Variants in BNC2 observed in about 807,000 individuals in gnomAD.
BNC2 encodes basonuclin zinc finger protein 2.
In BNC2, 20 loss-of-function variants were observed where a neutral mutation model predicts 76.3. The ratio of observed to expected loss-of-function variants is 0.26; its 90% confidence interval spans 0.18 to 0.38. The LOEUF (loss-of-function observed/expected upper bound fraction) is 0.38, where lower values mean the gene tolerates loss of function less well. Among genes scored for constraint, BNC2 ranks in the 10% least tolerant of loss-of-function variants. The pLI is 1.00. For missense variants in BNC2, 1,382 were observed against 1,399.8 expected (o/e 0.99, Z 0.20); for synonymous variants, 582 against 514.8 (o/e 1.13, Z -1.77).
chr9:16,819,149 A>G (rs190615971), intron 1 of BNC2, among the ~76,000 whole-genome samples: 1 of 152,226 alleles, frequency 6.6e-6, no homozygotes, highest in Non-Finnish European at 1.5e-5. Context: ...CAAACAAACA[A>G]AACCTATAAG....
At chr9:16,549,293 C>T (rs1054811181) in intron 5 of BNC2, among the ~76,000 whole-genome samples, 1 of 152,112 alleles carries the variant, frequency 6.6e-6, no homozygotes, top group African/African-American at 2.4e-5. Flanking sequence ...CTTCATTTGC[C>T]CAGGAACACA....
At chr9:16,458,511 T>G (rs565558064) in intron 5 of BNC2, among the ~76,000 whole-genome samples, 1 of 152,358 alleles carries the variant, frequency 6.6e-6, no homozygotes, top group Non-Finnish European at 1.5e-5. Flanking sequence ...CCTACAAATA[T>G]GATATACCCT....
chr9:16,699,127 GT>G, intron 3 of BNC2: 1 of 452,746 alleles, frequency 2.2e-6, no homozygotes. Flanking sequence ...TTTTGTTTTT[GT>G]TTTTGTTTTG....
intron 3 of BNC2, among the ~76,000 whole-genome samples, chr9:16,621,113 G>A (rs1180948076): frequency 6.6e-6 from 1 of 152,194 alleles, no homozygotes; most frequent in Non-Finnish European, 1.5e-5. Flanking sequence ...CAACGCCTGT[G>A]ACTGATCATT....
intron 4 of BNC2, among the ~76,000 whole-genome samples, chr9:16,560,033 G>A (rs1318306292): frequency 6.6e-6 from 1 of 152,234 alleles, no homozygotes; most frequent in Non-Finnish European, 1.5e-5. Context: ...ACTACTGTAG[G>A]TAGACGGAAC....
At chr9:16,851,795 CA>C (rs1434102425) in intron 1 of BNC2, among the ~76,000 whole-genome samples, 4 of 152,174 alleles carry the variant, frequency 2.6e-5, no homozygotes, top group Middle Eastern at 3.4e-3. Context: ...CAGATCACGC[CA>C]AAACAGACCA....
chr9:16,678,990 A>C (rs1243617968), intron 3 of BNC2, among the ~76,000 whole-genome samples: 1 of 152,218 alleles, frequency 6.6e-6, no homozygotes, highest in East Asian at 1.9e-4. Context: ...AGAAAACAAC[A>C]TGGATGGGCC....
chr9:16,682,673 A>C (rs1283001344), intron 3 of BNC2, among the ~76,000 whole-genome samples: 7 of 152,346 alleles, frequency 4.6e-5, no homozygotes, highest in Admixed American at 4.6e-4. Context: ...CCTGTGGTTT[A>C]TAAAACATCA....
intron 1 of BNC2, among the ~76,000 whole-genome samples, chr9:16,842,169 A>G (rs554732397): frequency 7.4e-4 from 112 of 152,162 alleles, no homozygotes; most frequent in Non-Finnish European, 1.1e-3. Flanking sequence ...GCCTTATGTT[A>G]TTTTAACATA....
At chr9:16,754,688 G>T (rs950030199) in intron 1 of BNC2, among the ~76,000 whole-genome samples, 1 of 152,092 alleles carries the variant, frequency 6.6e-6, no homozygotes, top group Non-Finnish European at 1.5e-5. Flanking sequence ...CTCCTGAGTA[G>T]CTGGGATTAT....
chr9:16,811,333 G>A (rs1335692229), intron 1 of BNC2, among the ~76,000 whole-genome samples: 2 of 151,008 alleles, frequency 1.3e-5, no homozygotes, highest in Admixed American at 1.3e-4. Context: ...GGTGGATCAT[G>A]TGAGGTCAGG....
At chr9:16,611,439 G>C (rs1266591300) in intron 3 of BNC2, among the ~76,000 whole-genome samples, 1 of 152,036 alleles carries the variant, frequency 6.6e-6, no homozygotes, top group Non-Finnish European at 1.5e-5. Flanking sequence ...ATCCAACCCT[G>C]GACATCAATC....
chr9:16,546,655 G>A (rs1021076532), intron 5 of BNC2, among the ~76,000 whole-genome samples: 11 of 152,136 alleles, frequency 7.2e-5, no homozygotes, highest in African/African-American at 2.4e-4. Flanking sequence ...AAAGGAACAC[G>A]AAAGAGGAAT....
In BNC2 at chr9:16,805,548, G is replaced by A. The variant is rs1039678824; in HGVS notation, c.3+65098C>T. On this transcript the variant is annotated intron_variant, in intron 1 of 6. Transcript: ENST00000380672. Reference sequence around the variant, plus strand: ...TCATCATATTGGTCAGGCTGGTCTCGAACTCCTGACCTCAGGTGATCCGCC... The same window carrying A: ...TCATCATATTGGTCAGGCTGGTCTCAAACTCCTGACCTCAGGTGATCCGCC... Among the ~76,000 whole-genome samples the A allele has an allele frequency of 8.6e-5, 13 of 152,040 alleles. No individual in the cohort carries two copies. In the East Asian group the frequency reaches 1.6e-3, roughly 18 times the overall value.
intron 1 of BNC2, among the ~76,000 whole-genome samples, chr9:16,843,798 A>G (rs1168040283): frequency 1.3e-5 from 2 of 152,218 alleles, no homozygotes; most frequent in East Asian, 3.8e-4. Context: ...AGTTACTCCC[A>G]ATTGAATAGT....
intron 1 of BNC2, chr9:16,775,723 G>C (rs1208729261): frequency 9.0e-6 from 2 of 222,034 alleles, no homozygotes; most frequent in Non-Finnish European, 2.0e-5. Context: ...GGAGGGGTGT[G>C]TCATTCTCAT....
At chr9:16,548,407 T>TCG (rs1379528693) in intron 5 of BNC2, among the ~76,000 whole-genome samples, 12 of 136,038 alleles carry the variant, frequency 8.8e-5, no homozygotes, top group South Asian at 5.2e-4. Context: ...TCTTCTTCGT[T>TCG]TTTTTTTTTT....
At chr9:16,566,812 A>G (rs1819183686) in intron 4 of BNC2, among the ~76,000 whole-genome samples, 1 of 152,214 alleles carries the variant, frequency 6.6e-6, no homozygotes, top group African/African-American at 2.4e-5. Context: ...ATCTATAAAG[A>G]CAGGATTATT....
At chr9:16,759,497 TC>T (rs1262615494) in intron 1 of BNC2, among the ~76,000 whole-genome samples, 1 of 152,070 alleles carries the variant, frequency 6.6e-6, no homozygotes, top group Admixed American at 6.6e-5. Flanking sequence ...ATTAACACTA[TC>T]TATATGACTC....
Sources: gnomAD v4.1 joint callset for allele counts (sites outside exome capture counted in the v4.1 genomes callset) on GRCh38, gnomAD v4.1.1 for gene constraint, MANE v1.5 for transcripts, NCBI Gene and HGNC (gene_info 2026-07-23, HGNC 2026-07-21) for gene names.